MYH13: variants seen among roughly 807,000 people sequenced by gnomAD.
The protein encoded by MYH13 is myosin heavy chain 13, also known as myosin-13.
In MYH13, 177 loss-of-function variants were observed where a neutral mutation model predicts 232.1. That is an observed-to-expected ratio of 0.76 (90% CI 0.67 to 0.86). The LOEUF (loss-of-function observed/expected upper bound fraction) is 0.86, where lower values mean the gene tolerates loss of function less well. Among genes scored for constraint, MYH13 ranks in the 40% least tolerant of loss-of-function variants. The pLI is 0.00. For synonymous variants in MYH13, 884 were observed against 923.5 expected (o/e 0.96, Z 0.78); for missense variants, 2,246 against 2,405.9 (o/e 0.93, Z 1.39).
intron 35 of MYH13, among the ~76,000 whole-genome samples, chr17:10,307,758 GAACAATTTATATT>G (rs1053809674): frequency 4.1e-4 from 63 of 152,072 alleles, no homozygotes; most frequent in African/African-American, 1.5e-3. Flanking sequence ...CCTTGTTAAA[GAACAATTTATATT>G]ACAAATACTT....
At chr17:10,346,316 A>C (rs536764594) in intron 13 of MYH13, among the ~76,000 whole-genome samples, 1 of 152,290 alleles carries the variant, frequency 6.6e-6, no homozygotes, top group Admixed American at 6.5e-5. Context: ...GAGGCTGGAA[A>C]CACAGAGATA....
chr17:10,303,357 A>G (rs777085794), intron 38 of MYH13, 37 bp downstream of exon 38: 15 of 1,612,770 alleles, frequency 9.3e-6, no homozygotes, highest in Middle Eastern at 1.6e-4. Context: ...GGCTTGGTCC[A>G]TACAGCATTC....
At position 10,309,613 on chromosome 17, in the gene MYH13, T is replaced by G. The variant is rs996136735; in HGVS notation, c.4874A>C (p.Asp1625Ala). ...ALRLKKKMEG[D>A]LNEMEIQLGH... The stretch of plus-strand genomic sequence containing the variant: ...CAGCTGAATCTCCATCTCATTAAGG[T>G]CTCCCTCCATCTTCTTCTTTAGCCT... The change falls in exon 34 of 41, where the codon GAC (aspartate) becomes GCC (alanine). Residue 1625 changes from aspartate to alanine, a missense_variant. Asp to Ala is a moderately radical substitution (Grantham distance 126). Transcript: ENST00000252172. The G allele has an allele frequency of 1.9e-6, 3 of 1,613,376 alleles. No homozygotes were observed. The highest frequency in any genetic ancestry group is 2.5e-6 in the Non-Finnish European group (3 of 1,179,712).
intron 18 of MYH13, among the ~76,000 whole-genome samples, chr17:10,336,879 C>T (rs1200227059): frequency 9.2e-5 from 14 of 151,706 alleles, no homozygotes; most frequent in Admixed American, 6.6e-4. Context: ...TGCTTCCCCT[C>T]GTGGCCCTCT....
chr17:10,308,309 A>G (rs528660286), intron 35 of MYH13, among the ~76,000 whole-genome samples: 15 of 142,600 alleles, frequency 1.1e-4, no homozygotes, highest in Non-Finnish European at 2.0e-4. Context: ...GGCGACAGAA[A>G]GAGACTCTGC....
At position 10,319,043 on chromosome 17, in the gene MYH13, G is replaced by A; in HGVS notation, c.3485C>T (p.Ser1162Leu). Residue 1162 changes from serine (S) to leucine (L), a missense_variant, in exon 27 of 41, where the codon TCA becomes TTA. Physicochemically the swap from Ser to Leu is moderately radical, Grantham distance 145. Coordinates refer to ENST00000252172, the MANE Select transcript of MYH13 (RefSeq NM_003802.3). ...CTTCTTGTTCATCTCAATCTGGGCT[G>A]AAGTGGCCCCACTGGCTTCTTCCAG... ...ERLEEASGAT[S>L]AQIEMNKKRE... 6.2e-7 allele frequency: 1 copy of A among 1,614,142 alleles called. No individual in the cohort carries two copies. The highest frequency in any genetic ancestry group is 8.5e-7 in the Non-Finnish European group (1 of 1,180,034).
rs560255786 is a variant in MYH13, at chr17:10,301,867, C to G, written c.5668-164G>C. 1.1e-4 allele frequency among the ~76,000 whole-genome samples: 17 copies of G among 152,334 alleles called. No homozygotes were observed. The South Asian group carries it at 3.5e-3, about 32-fold the overall frequency. ...CTCCAGCGTGTGAGGACAAGGCTCC[C>G]AGCTCACGACCATGTGTACTGCCTC... On this transcript the variant is annotated intron_variant, in intron 39 of 40. Transcript: ENST00000252172.
At position 10,309,645 on chromosome 17, in the gene MYH13, G is replaced by A. The variant is rs1159605080; in HGVS notation, c.4842C>T (p.Asp1614=). 1 of 1,611,982 alleles carries A rather than the reference G, an allele frequency of 6.2e-7. No individual in the cohort carries two copies. Among genetic ancestry groups the A allele is most frequent in the Non-Finnish European group, 8.5e-7 (1 of 1,179,088 alleles). Residue 1614 remains aspartate (D), a synonymous_variant, in exon 34 of 41, where the codon GAC becomes GAT. Transcript: ENST00000252172. ...CCATCTTCTTCTTTAGCCTCAGGGC[G>A]TCGTTCCGGCTGCGGATTTCAGCAT... ...VLDAEIRSRN[D]ALRLKKKMEG...
At chr17:10,364,301 CAA>C (rs780450073) in intron 3 of MYH13, 24 bp downstream of exon 3, 3 of 1,597,788 alleles carry the variant, frequency 1.9e-6, no homozygotes, top group Non-Finnish European at 1.7e-6. Flanking sequence ...CCCATATTAT[CAA>C]AGACATCTGT....
Position 10,321,529 on chromosome 17 carries a change from C to T in MYH13, c.3111+3G>A. The stretch of plus-strand genomic sequence containing the variant: ...CTAAAGCATAGTAGTAAAATATCCT[C>T]ACATCATCTGTTTGCTGTTCAAGCT... On this transcript the variant is annotated splice_donor_region_variant and intron_variant, in intron 24 of 40. Coordinates refer to ENST00000252172, the MANE Select transcript of MYH13 (RefSeq NM_003802.3). The T allele has an allele frequency of 1.2e-6, 2 of 1,610,352 alleles. No homozygotes were observed. The highest frequency in any genetic ancestry group is 1.7e-5 in the Admixed American group (1 of 59,540).
rs1207772078 is a variant in MYH13, at chr17:10,346,716, G to T, written c.1227C>A (p.Gly409=). The change falls in exon 13 of 41, where the codon GGC becomes GGA. Residue 409 remains glycine (G), a synonymous_variant. Transcript: ENST00000252172. ...TTTGCCCTTTAGTGACATATTCATTGCCAACCTTCACCCTTGGACAGCACA... is the reference window on the plus strand; with the variant it reads ...TTTGCCCTTTAGTGACATATTCATTTCCAACCTTCACCCTTGGACAGCACA... The part of the protein sequence containing the change: ...KGLCCPRVKV[G]NEYVTKGQNV... The T allele has an allele frequency of 3.1e-6, 5 of 1,613,724 alleles. No individual in the cohort carries two copies. The South Asian group carries it at 4.4e-5, about 14-fold the overall frequency.
Position 10,340,505 on chromosome 17 carries a change from C to G in MYH13, c.1895-104G>C, listed in dbSNP as rs1231999067. ...GCCCCGAGTTCTGGTTTCCTTTTGA[C>G]ATAAGAGACTTGAGGTTTTGTTTGT... On this transcript the variant is annotated intron_variant, in intron 16 of 40. Coordinates refer to ENST00000252172, the MANE Select transcript of MYH13 (RefSeq NM_003802.3). 3 of 832,496 alleles carry G rather than the reference C, an allele frequency of 3.6e-6. No individual in the cohort carries two copies. The African/African-American group carries it at 5.1e-5, about 14-fold the overall frequency. The allele number at this position is 832,496 out of a possible 1,614,324, so 51.6% of individuals were successfully genotyped here.
intron 22 of MYH13, among the ~76,000 whole-genome samples, chr17:10,326,010 A>G (rs1907186450): frequency 6.6e-6 from 1 of 152,158 alleles, no homozygotes; most frequent in Admixed American, 6.5e-5. Flanking sequence ...ACTGCAGGGT[A>G]ATGCATGGGA....
At position 10,324,025 on chromosome 17, in the gene MYH13, G is replaced by T. The variant is rs1907103640; in HGVS notation, c.2931C>A (p.Asn977Lys). Residue 977 changes from asparagine to lysine, a missense_variant, in exon 23 of 41, where the codon AAC (asparagine) becomes AAA (lysine). Physicochemically the swap from Asn to Lys is moderately conservative, Grantham distance 94. Transcript: ENST00000252172. ...GGAGTCCCTTGGGTTTGCTCACCTT[G>T]TTCTCTGTGGCATGCTTCTCCTTTT... Reference protein sequence around the residue: ...KVEKEKHATENKVKNLSEEMT... With the variant: ...KVEKEKHATEKKVKNLSEEMT... 2 of 1,613,892 alleles carry T rather than the reference G, an allele frequency of 1.2e-6. No individual in the cohort carries two copies. The highest frequency in any genetic ancestry group is 1.7e-6 in the Non-Finnish European group (2 of 1,179,912).
chr17:10,325,346 G>T (rs1907164292), intron 22 of MYH13, among the ~76,000 whole-genome samples: 2 of 151,672 alleles, frequency 1.3e-5, no homozygotes, highest in African/African-American at 2.4e-5. Context: ...TAAATATATG[G>T]ATTTATTTAT....
intron 5 of MYH13, among the ~76,000 whole-genome samples, chr17:10,361,388 T>G (rs1454162086): frequency 6.6e-5 from 10 of 151,340 alleles, no homozygotes; most frequent in Non-Finnish European, 1.3e-4. Flanking sequence ...TCCTCCCAGG[T>G]GCAAGCAATT....
rs1386430915 is a variant in MYH13, at chr17:10,303,195, C to T, written c.5667+1G>A. 6.2e-7 allele frequency: 1 copy of T among 1,612,450 alleles called. No individual in the cohort carries two copies. Among genetic ancestry groups the T allele is most frequent in the Non-Finnish European group, 8.5e-7 (1 of 1,179,880 alleles). ...CACTGCCGGGGACCTCCTGTGCTTA[C>T]CGCCTCCTCAGCCTGCCTCTTGTAA... On this transcript the variant is annotated splice_donor_variant, in intron 39 of 40. Coordinates refer to ENST00000252172, the MANE Select transcript of MYH13 (RefSeq NM_003802.3). LOFTEE classifies it high-confidence loss of function.
intron 32 of MYH13, 38 bp downstream of exon 32, chr17:10,311,873 G>C (rs542595106): frequency 1.9e-6 from 3 of 1,611,504 alleles, no homozygotes; most frequent in African/African-American, 2.7e-5. Context: ...CAGGAGGAGA[G>C]GGGGACATAG....
chr17:10,345,912 G>C (rs1200702901), intron 13 of MYH13, among the ~76,000 whole-genome samples: 1 of 136,726 alleles, frequency 7.3e-6, no homozygotes, highest in East Asian at 2.4e-4. Flanking sequence ...AGAATCACTT[G>C]AACTTGGGAG....
Sources: allele counts gnomAD v4.1 joint callset (sites outside exome capture counted in the v4.1 genomes callset), GRCh38; gene constraint gnomAD v4.1.1; transcripts MANE v1.5; gene names NCBI Gene and HGNC (gene_info 2026-07-23, HGNC 2026-07-21).